Variants in DNAH1 observed in about 807,000 individuals in gnomAD.
DNAH1 encodes axonemal beta dynein heavy chain 1.
In DNAH1, 327 loss-of-function variants were observed where a neutral mutation model predicts 484.3. The ratio of observed to expected loss-of-function variants is 0.68; its 90% CI spans 0.62 to 0.74. DNAH1 has a LOEUF of 0.74. DNAH1 is among the 30% of genes least tolerant of loss of function. DNAH1 has a pLI of 0.00. For synonymous variants in DNAH1, 2,192 were observed against 2,191.9 expected (o/e 1.00, Z 0.00); for missense variants, 5,052 against 5,546.8 (o/e 0.91, Z 2.83).
In DNAH1 at chr3:52,366,847, G is replaced by A. The variant is rs377438897; in HGVS notation, c.5725G>A (p.Gly1909Ser). Residue 1909 changes from glycine (G) to serine (S), a missense_variant, in exon 36 of 78, where the codon GGC (glycine) becomes AGC (serine). Gly to Ser is a moderately conservative substitution (Grantham distance 56, BLOSUM62 0). This residue lies in a region of DNAH1 where 2,929 missense variants were observed against 3,409.4 expected (regional missense o/e 0.86). Transcript: ENST00000420323. ...YVLNPKSITM[G>S]QLYGEFDLLT... Reference sequence around the variant, plus strand: ...GCTCAACCCCAAGTCCATCACGATGGGCCAGCTGTACGGGGAGTTTGACCT... The same window carrying A: ...GCTCAACCCCAAGTCCATCACGATGAGCCAGCTGTACGGGGAGTTTGACCT... 1 of 1,613,772 alleles carries A rather than the reference G, an allele frequency of 6.2e-7. No homozygotes were observed. Among genetic ancestry groups the A allele is most frequent in the Non-Finnish European group, 8.5e-7 (1 of 1,179,838 alleles).
chr3:52,351,043 T>C (rs1046065739), intron 16 of DNAH1, among the ~76,000 whole-genome samples: 8 of 152,076 alleles, frequency 5.3e-5, no homozygotes, highest in African/African-American at 1.7e-4. Flanking sequence ...AGAGATGGGG[T>C]TTCACCATGT....
rs770169482 is a variant in DNAH1, at chr3:52,359,991, A to T, written c.4483A>T (p.Ile1495Phe). The T allele has an allele frequency of 3.1e-6, 5 of 1,613,798 alleles. No individual in the cohort carries two copies. The highest frequency in any genetic ancestry group is 4.2e-6 in the Non-Finnish European group (5 of 1,179,896). ...GGCAGTGCTGTCAGCGCTAATCGTC[A>T]TTGAGGTCCATGCCAAGGACGTGGT... is the stretch of plus-strand genomic sequence containing the variant. ...QRAVLSALIV[I>F]EVHAKDVVSK... The change falls in exon 27 of 78, where the codon ATT becomes TTT. Residue 1495 changes from isoleucine to phenylalanine, a missense_variant. Coordinates refer to ENST00000420323, the MANE Select transcript of DNAH1 (RefSeq NM_015512.5).
chr3:52,366,146 A>C (rs1393631468), intron 34 of DNAH1, among the ~76,000 whole-genome samples: 1 of 152,156 alleles, frequency 6.6e-6, no homozygotes, highest in Non-Finnish European at 1.5e-5. Flanking sequence ...CTGGGGCTGA[A>C]GTTGGGGCCT....
Position 52,359,333 on chromosome 3 carries a change from G to C in DNAH1, c.4354G>C (p.Ala1452Pro). The change falls in exon 26 of 78, where the codon GCT becomes CCT. Residue 1452 changes from alanine to proline, a missense_variant. Around this residue, in one of 4 missense-constraint regions of DNAH1, gnomAD observed 2,929 missense variants for 3,409.4 expected, o/e 0.86. Transcript: ENST00000420323. ...QTYWTMEVAE[A>P]LEAGNLRSQL... ...CTACTGGACCATGGAGGTGGCAGAG[G>C]CTCTGGAGGCCGGCAACCTCAGAAG... 6.4e-7 allele frequency: 1 copy of C among 1,569,920 alleles called. No individual in the cohort carries two copies. Among genetic ancestry groups the C allele is most frequent in the Non-Finnish European group, 8.6e-7 (1 of 1,156,782 alleles).
intron 2 of DNAH1, 59 bp downstream of exon 2, chr3:52,322,834 C>T: frequency 7.3e-7 from 1 of 1,361,790 alleles, no homozygotes; most frequent in Non-Finnish European, 1.0e-6. Flanking sequence ...TCCGTTCACC[C>T]ATCCTTTCAT....
Position 52,316,467 on chromosome 3 carries a change from A to T in DNAH1, c.-113A>T, listed in dbSNP as rs1429255044. 1 of 151,072 alleles carries T rather than the reference A, an allele frequency of 6.6e-6. No homozygotes were observed. The highest frequency in any genetic ancestry group is 6.6e-5 in the Admixed American group (1 of 15,250). The allele number at this position is 151,072 out of a possible 1,614,324, so 9.4% of individuals were successfully genotyped here. ...CTTCCTTCTGCAGTGATCACTGAGT[A>T]CCTGTGTGAATGCCAACAAGAAAAA... On this transcript the variant is annotated 5_prime_UTR_variant, in exon 1 of 78. Transcript: ENST00000420323.
At position 52,396,778 on chromosome 3, in the gene DNAH1, A is replaced by ATGATG. The variant is rs1201087762; in HGVS notation, c.11592_11596dup (p.Asp3866ValfsTer32). ...CAGCTCAAGATGTTCCTGGACGAAT[A>ATGATG]TGATGACATCCCCTACAAGGTGGGC... On this transcript the variant is annotated frameshift_variant, in exon 72 of 78. Coordinates refer to ENST00000420323, the MANE Select transcript of DNAH1 (RefSeq NM_015512.5). LOFTEE classifies it high-confidence loss of function. 7.4e-6 allele frequency: 12 copies of ATGATG among 1,613,544 alleles called. No individual in the cohort carries two copies. The highest frequency in any genetic ancestry group is 1.0e-5 in the Non-Finnish European group (12 of 1,179,826).
In DNAH1 at chr3:52,398,886, G is replaced by C; in HGVS notation, c.12126G>C (p.Leu4042=). ...TGCTGCAGGTGATCACACAGACACT[G>C]CAAGACCTACTCAAGGCACTCAAGG... ...NRLLQVITQT[L]QDLLKALKGL... is the part of the protein sequence containing the mutation. Residue 4042 remains leucine (L), a synonymous_variant, in exon 76 of 78, where the codon CTG becomes CTC. Coordinates refer to ENST00000420323, the MANE Select transcript of DNAH1 (RefSeq NM_015512.5). The C allele has an allele frequency of 6.3e-7, 1 of 1,588,378 alleles. No homozygotes were observed. The highest frequency in any genetic ancestry group is 1.7e-5 in the Admixed American group (1 of 58,152).
intron 66 of DNAH1, among the ~76,000 whole-genome samples, chr3:52,393,911 T>A (rs1704503567): frequency 6.6e-6 from 1 of 152,110 alleles, no homozygotes; most frequent in Non-Finnish European, 1.5e-5. Flanking sequence ...AATAAATAAA[T>A]AAAAGCAGCC....
rs547630757 is a variant in DNAH1 at position 52,386,688 on chromosome 3, G to C, written c.8838G>C (p.Pro2946=). The C allele has an allele frequency of 2.5e-6, 4 of 1,589,508 alleles. No individual in the cohort carries two copies. Among genetic ancestry groups the C allele is most frequent in the Non-Finnish European group, 3.4e-6 (4 of 1,168,532 alleles). The change falls in exon 56 of 78, where the codon CCG becomes CCC. Residue 2946 remains proline, a synonymous_variant. Transcript: ENST00000420323. ...TACGTGCCATGCAGCGGCCACCCCC[G>C]GGTGTGAAACTGGTCATAGAAGCTG... ...TEVRAMQRPP[P]GVKLVIEAVC... is the part of the protein sequence containing the mutation.
chr3:52,357,820 G>T, intron 23 of DNAH1, 78 bp from the exon 24 acceptor site: 1 of 1,579,870 alleles, frequency 6.3e-7, no homozygotes, highest in East Asian at 2.3e-5. Flanking sequence ...CTAGGGTGCG[G>T]GGATGTCAGC....
At chr3:52,399,497 A>G (rs754774465) in intron 76 of DNAH1, 48 bp from the exon 77 acceptor site, 1 of 1,510,834 alleles carries the variant, frequency 6.6e-7, no homozygotes. Context: ...CCTAACCCAG[A>G]TTCTGGGTAT....
In DNAH1 at chr3:52,355,998, C is replaced by A. The variant is rs555136199; in HGVS notation, c.3694-616C>A. On this transcript the variant is annotated intron_variant, in intron 21 of 77. Transcript: ENST00000420323. This position sits in a 1 kb window ranked among gnomAD's most constrained non-coding sequence, Gnocchi z 4.5. The stretch of plus-strand genomic sequence containing the variant: ...ATTCCCCTGTTTCCCCTAGTGCCTC[C>A]CAGGGCCTGGCACAGTCCTGACACT... Among the ~76,000 whole-genome samples the A allele has an allele frequency of 6.6e-6, 1 of 152,356 alleles. No individual in the cohort carries two copies. Among genetic ancestry groups the A allele is most frequent in the South Asian group, 2.1e-4 (1 of 4,826 alleles).
At chr3:52,343,778 A>T (rs186332921) in intron 8 of DNAH1, among the ~76,000 whole-genome samples, 49 of 152,316 alleles carry the variant, frequency 3.2e-4, no homozygotes, top group African/African-American at 1.1e-3. Context: ...TCCGCAAAGG[A>T]CAGAGATGCC....
chr3:52,375,626 G>A (rs1297564640), intron 45 of DNAH1, among the ~76,000 whole-genome samples: 1 of 152,220 alleles, frequency 6.6e-6, no homozygotes, highest in Non-Finnish European at 1.5e-5. Context: ...CAGGTCGTGA[G>A]GGTTAAGTAT....
chr3:52,388,881 A>G lies in DNAH1; in HGVS notation c.9439A>G (p.Ile3147Val). ...GAACCTGCAGTACATGCTCAACAAC[A>G]TCTCCGGCGATGTCCTGGTGGCCGC... Reference protein sequence around the residue: ...VENLQYMLNNISGDVLVAAGF... With the variant: ...VENLQYMLNNVSGDVLVAAGF... Residue 3147 changes from isoleucine to valine, a missense_variant, in exon 59 of 78, where the codon ATC (isoleucine) becomes GTC (valine). By Grantham distance (29) the Ile-to-Val change is conservative (BLOSUM62 3). Transcript: ENST00000420323. 1 of 1,613,396 alleles carries G rather than the reference A, an allele frequency of 6.2e-7. No individual in the cohort carries two copies.
rs780569669 is a variant in DNAH1 at position 52,395,416 on chromosome 3, G to C, written c.11077G>C (p.Glu3693Gln). 1 of 1,613,916 alleles carries C rather than the reference G, an allele frequency of 6.2e-7. No individual in the cohort carries two copies. The part of the protein sequence containing the change: ...PAADLYKFAE[E>Q]MKFSKKLSAI... ...TGCCGACCTCTACAAGTTTGCCGAA[G>C]AAATGAAGTTCTCCAAAAAGCTCTC... is the stretch of plus-strand genomic sequence containing the variant. Residue 3693 changes from glutamate (E) to glutamine (Q), a missense_variant, in exon 69 of 78, where the codon GAA becomes CAA. Glu to Gln is a conservative substitution (Grantham distance 29). Transcript: ENST00000420323. The surrounding 1 kb of genome is among the most constrained non-coding windows in gnomAD (Gnocchi z 4.4).
At chr3:52,337,791 GTTTGT>G (rs911471950) in intron 8 of DNAH1, among the ~76,000 whole-genome samples, 1 of 151,922 alleles carries the variant, frequency 6.6e-6, no homozygotes, top group Non-Finnish European at 1.5e-5. Context: ...CATTGTTGTT[GTTTGT>G]TTTGTTTTGT....
intron 60 of DNAH1, among the ~76,000 whole-genome samples, chr3:52,390,092 G>A (rs1427080562): frequency 2.0e-5 from 3 of 152,180 alleles, no homozygotes; most frequent in Non-Finnish European, 4.4e-5. Context: ...CTGCACTCCA[G>A]CCTGGGTGAC....
Sources: gnomAD v4.1 joint callset for allele counts (sites outside exome capture counted in the v4.1 genomes callset) on GRCh38, gnomAD v4.1.1 for gene constraint, gnomAD v4.1.1 regional missense constraint, Gnocchi (gnomAD v3.1) non-coding constraint, MANE v1.5 for transcripts, NCBI Gene and HGNC (gene_info 2026-07-23, HGNC 2026-07-21) for gene names.